Variants in LINGO2 observed in about 807,000 individuals in gnomAD.
The protein encoded by LINGO2 is leucine rich repeat and Ig domain containing 2.
A neutral mutation model predicts 30.6 loss-of-function variants in LINGO2; 14 were observed. That is an observed-to-expected ratio of 0.46 (90% CI 0.30 to 0.72). The LOEUF (loss-of-function observed/expected upper bound fraction) is 0.72. Among genes scored for constraint, LINGO2 ranks in the 30% least tolerant of loss-of-function variants. The pLI is 0.07. For synonymous variants in LINGO2, 317 were observed against 288.5 expected (o/e 1.10, Z -1.00); for missense variants, 729 against 751.7 (o/e 0.97, Z 0.35).
At chr9:29,121,004 T>A in the LINGO2 span, among the ~76,000 whole-genome samples, 3 of 152,134 alleles carry the variant, frequency 2.0e-5, no homozygotes, top group Non-Finnish European at 4.4e-5. Context: ...GTCATAATCT[T>A]CACCTGAAAA....
chr9:28,652,104 A>G (rs546964197), intron 1 of LINGO2, among the ~76,000 whole-genome samples: 42 of 152,216 alleles, frequency 2.8e-4, no homozygotes, highest in Middle Eastern at 6.8e-3. Flanking sequence ...ATTTCTGCAT[A>G]TGCCTTTTTT....
In LINGO2 at chr9:28,148,463, A is replaced by G. The variant is rs1827881765; in HGVS notation, c.-86-136058T>C. On this transcript the variant is annotated intron_variant, in intron 4 of 5. Transcript: ENST00000379992. This position sits in a 1 kb window ranked among gnomAD's most constrained non-coding sequence, Gnocchi z 5.1. ...GAGGGCAGAAGAGCCCAGAGAAGCAACGGAGGTGACAGACCAGGTAGAGAC... is the reference window on the plus strand; with the variant it reads ...GAGGGCAGAAGAGCCCAGAGAAGCAGCGGAGGTGACAGACCAGGTAGAGAC... 2 of 1,413,582 alleles carry G rather than the reference A, an allele frequency of 1.4e-6. No individual in the cohort carries two copies. Among genetic ancestry groups the G allele is most frequent in the East Asian group, 5.0e-5 (2 of 40,236 alleles). The allele number at this position is 1,413,582 out of a possible 1,614,324, so 87.6% of individuals were successfully genotyped here. A position where few individuals can be genotyped will look rare whatever the true frequency, so the allele number is the denominator to read the frequency against.
At chr9:28,473,364 G>A (rs1448223870) in intron 2 of LINGO2, among the ~76,000 whole-genome samples, 1 of 151,500 alleles carries the variant, frequency 6.6e-6, no homozygotes, top group African/African-American at 2.4e-5. Flanking sequence ...TTCTGTGGTC[G>A]TCTCACCTTG....
chr9:28,297,285 C>T (rs1823958239), intron 3 of LINGO2, among the ~76,000 whole-genome samples: 1 of 152,164 alleles, frequency 6.6e-6, no homozygotes, highest in Non-Finnish European at 1.5e-5. Flanking sequence ...TTGATCCCTC[C>T]TCAGAAGGGG....
chr9:28,753,305 T>A, the LINGO2 span, among the ~76,000 whole-genome samples: 1 of 152,184 alleles, frequency 6.6e-6, no homozygotes, highest in Non-Finnish European at 1.5e-5. Context: ...TAGGGTGGTT[T>A]CTTTTTTCTT....
chr9:28,817,436 C>T, the LINGO2 span, among the ~76,000 whole-genome samples: 5 of 152,314 alleles, frequency 3.3e-5, no homozygotes, highest in African/African-American at 1.2e-4. Context: ...TGAATGCTTT[C>T]AGGACCTTTC....
intron 5 of LINGO2, among the ~76,000 whole-genome samples, chr9:27,979,691 C>T (rs913057684): frequency 6.6e-5 from 10 of 151,784 alleles, no homozygotes; most frequent in African/African-American, 2.4e-4. Flanking sequence ...TATAGTTCAC[C>T]CCTGCAATGT....
intron 5 of LINGO2, among the ~76,000 whole-genome samples, chr9:27,992,527 A>C (rs545471788): frequency 3.3e-5 from 5 of 152,218 alleles, no homozygotes; most frequent in African/African-American, 9.6e-5. Context: ...ATAGTTATGT[A>C]ATGCAGTAAA....
At chr9:29,084,543 CTTCAAAACAATCATTCAGGGA>C in the LINGO2 span, among the ~76,000 whole-genome samples, 1 of 152,004 alleles carries the variant, frequency 6.6e-6, no homozygotes, top group Non-Finnish European at 1.5e-5. Flanking sequence ...TCACTTTCTG[CTTCAAAACAATCATTCAGGGA>C]TTTTAAGCAA....
the LINGO2 span, among the ~76,000 whole-genome samples, chr9:29,021,396 C>T: frequency 1.3e-5 from 2 of 152,106 alleles, no homozygotes; most frequent in South Asian, 2.1e-4. Context: ...CGGTGGCTAA[C>T]GCCTGTAATC....
intron 4 of LINGO2, among the ~76,000 whole-genome samples, chr9:28,195,194 G>A (rs1441113546): frequency 1.3e-5 from 2 of 151,864 alleles, no homozygotes; most frequent in East Asian, 3.9e-4. Context: ...CTACATGTTG[G>A]AATGTATAGG....
chr9:28,361,515 T>G, intron 3 of LINGO2, among the ~76,000 whole-genome samples: 1 of 152,244 alleles, frequency 6.6e-6, no homozygotes, highest in Middle Eastern at 3.4e-3. Flanking sequence ...CTATTTCATT[T>G]TATTATATTG....
chr9:28,900,495 C>G, the LINGO2 span, among the ~76,000 whole-genome samples: 1 of 152,162 alleles, frequency 6.6e-6, no homozygotes, highest in Admixed American at 6.5e-5. Context: ...ATTACAGACC[C>G]AATCAAAACT....
chr9:28,500,139 T>C (rs1006559737), intron 1 of LINGO2, among the ~76,000 whole-genome samples: 5 of 152,188 alleles, frequency 3.3e-5, no homozygotes, highest in African/African-American at 1.2e-4. Flanking sequence ...AAACTCTGAA[T>C]AGAGCCACTG....
chr9:28,371,970 T>G (rs1820919123), intron 3 of LINGO2, among the ~76,000 whole-genome samples: 1 of 152,112 alleles, frequency 6.6e-6, no homozygotes, highest in African/African-American at 2.4e-5. Flanking sequence ...GCGAATCTGT[T>G]GAAGGTCAGC....
At chr9:28,278,099 A>T (rs1280316802) in intron 4 of LINGO2, among the ~76,000 whole-genome samples, 1 of 152,218 alleles carries the variant, frequency 6.6e-6, no homozygotes, top group African/African-American at 2.4e-5. Flanking sequence ...ACAAGATTCC[A>T]TTAAGCCAAA....
chr9:29,111,482 A>G, the LINGO2 span, among the ~76,000 whole-genome samples: 3 of 151,964 alleles, frequency 2.0e-5, no homozygotes, highest in East Asian at 1.9e-4. Context: ...TGAAATATAT[A>G]TATCTATATA....
At chr9:28,938,770 A>C in the LINGO2 span, among the ~76,000 whole-genome samples, 2 of 152,182 alleles carry the variant, frequency 1.3e-5, no homozygotes, top group East Asian at 3.9e-4. Flanking sequence ...ACAATGATGA[A>C]ATCATCTAAC....
intron 1 of LINGO2, among the ~76,000 whole-genome samples, chr9:28,479,484 C>A (rs1825854687): frequency 6.6e-6 from 1 of 151,620 alleles, no homozygotes; most frequent in Non-Finnish European, 1.5e-5. Flanking sequence ...GTCGTTATTT[C>A]CAAAATTTAG....
Sources: allele counts gnomAD v4.1 joint callset (sites outside exome capture counted in the v4.1 genomes callset), GRCh38; gene constraint gnomAD v4.1.1; non-coding constraint Gnocchi (gnomAD v3.1); transcripts MANE v1.5; gene names NCBI Gene and HGNC (gene_info 2026-07-23, HGNC 2026-07-21).